DIAPH2: variants seen among roughly 807,000 people sequenced by gnomAD.
DIAPH2 encodes protein diaphanous homolog 2.
In DIAPH2, 35 loss-of-function variants were observed where a neutral mutation model predicts 92.7. The ratio of observed to expected loss-of-function variants is 0.38; its 90% CI spans 0.29 to 0.50. The LOEUF (loss-of-function observed/expected upper bound fraction) is 0.50, where lower values mean the gene tolerates loss of function less well. DIAPH2 is among the 20% of genes least tolerant of loss of function. The pLI is 0.94. For missense variants in DIAPH2, 701 were observed against 819.5 expected, an observed-to-expected ratio of 0.86 and a Z score of 1.77; for synonymous variants, 301 against 280.4, an observed-to-expected ratio of 1.07 and a Z score of -0.73.
chrX:97,249,290 A>G (rs989915660), intron 23 of DIAPH2, among the ~76,000 whole-genome samples: 6 of 111,519 alleles, frequency 5.4e-5, no homozygotes, highest in Non-Finnish European at 1.1e-4. Flanking sequence ...ACCCTCATGA[A>G]CTTGGCCTGG....
intron 22 of DIAPH2, among the ~76,000 whole-genome samples, chrX:97,220,367 GAAAA>G (rs763951265): frequency 3.9e-5 from 3 of 76,068 alleles, no homozygotes; most frequent in African/African-American, 1.5e-4. Flanking sequence ...ACAAGTTTTA[GAAAA>G]AAAAAAAAAA....
intron 26 of DIAPH2, among the ~76,000 whole-genome samples, chrX:97,450,267 A>C (rs771215244): frequency 1.2e-4 from 13 of 111,736 alleles, no homozygotes; most frequent in Non-Finnish European, 2.4e-4. Context: ...AGAAGATATT[A>C]TAAAATCATG....
chrX:96,853,515 A>C (rs2065017739), intron 4 of DIAPH2, among the ~76,000 whole-genome samples: 1 of 111,538 alleles, frequency 9.0e-6, no homozygotes. Flanking sequence ...CTTAAGACAA[A>C]AAGGGATCAT....
chrX:97,011,559 T>A (rs2066225580), intron 17 of DIAPH2, among the ~76,000 whole-genome samples: 1 of 111,537 alleles, frequency 9.0e-6, no homozygotes, highest in African/African-American at 3.3e-5. Flanking sequence ...TTGAGAATGT[T>A]TTACATTGGA....
At position 97,572,384 on chromosome X, in the gene DIAPH2, G is replaced by A. The variant is rs1217068687; in HGVS notation, c.3242-26869G>A. 3.6e-5 allele frequency among the ~76,000 whole-genome samples: 4 copies of A among 111,188 alleles called. No individual in the cohort carries two copies. In the East Asian group the frequency reaches 1.1e-3, roughly 31 times the overall value. On this transcript the variant is annotated intron_variant, in intron 26 of 26. Coordinates refer to ENST00000324765, the MANE Select transcript of DIAPH2 (RefSeq NM_006729.5). Reference sequence around the variant, plus strand: ...ATATAAACTGAAATAATGAGTAATTGTGTTAAATACCCATAATGTTGGAGC... The same window carrying A: ...ATATAAACTGAAATAATGAGTAATTATGTTAAATACCCATAATGTTGGAGC...
intron 18 of DIAPH2, among the ~76,000 whole-genome samples, chrX:97,073,484 A>G (rs888400675): frequency 1.8e-5 from 2 of 112,352 alleles, no homozygotes; most frequent in African/African-American, 6.5e-5. Flanking sequence ...CCTTAACTGC[A>G]TTTAAAAACT....
intron 5 of DIAPH2, among the ~76,000 whole-genome samples, chrX:96,907,891 A>G (rs767155827): frequency 8.9e-6 from 1 of 112,179 alleles, no homozygotes; most frequent in Admixed American, 9.5e-5. Context: ...TACTCATCAA[A>G]TAATTAATAG....
chrX:96,883,748 G>T (rs1385836860), intron 5 of DIAPH2, among the ~76,000 whole-genome samples: 1 of 110,974 alleles, frequency 9.0e-6, no homozygotes, highest in Non-Finnish European at 1.9e-5. Context: ...AACTACGGTG[G>T]TGCATTTTTC....
intron 22 of DIAPH2, among the ~76,000 whole-genome samples, chrX:97,210,233 T>C (rs1421966045): frequency 8.9e-6 from 1 of 112,208 alleles, no homozygotes. Context: ...CTTACTACTG[T>C]TGACACACTT....
At chrX:97,145,738 T>C (rs948438586) in intron 22 of DIAPH2, among the ~76,000 whole-genome samples, 5 of 110,928 alleles carry the variant, frequency 4.5e-5, no homozygotes, top group African/African-American at 1.3e-4. Context: ...TCTTTCCCTA[T>C]GAAATTCAGA....
At chrX:97,449,594 G>C (rs2070341898) in intron 26 of DIAPH2, 1 of 530,322 alleles carries the variant, frequency 1.9e-6, no homozygotes, top group East Asian at 1.7e-4. Context: ...TTGGGAAGGG[G>C]TGGAGGAAGG....
intron 26 of DIAPH2, among the ~76,000 whole-genome samples, chrX:97,531,088 T>A (rs2071056539): frequency 9.0e-6 from 1 of 111,104 alleles, no homozygotes; most frequent in Non-Finnish European, 1.9e-5. Context: ...CTTAAAATTT[T>A]GGTCCATTAA....
At chrX:96,905,674 A>C (rs1194650770) in intron 5 of DIAPH2, among the ~76,000 whole-genome samples, 1 of 111,818 alleles carries the variant, frequency 8.9e-6, no homozygotes, top group Non-Finnish European at 1.9e-5. Flanking sequence ...TCTGTTTTAA[A>C]ACTTCAATAT....
chrX:97,456,043 C>G (rs1311658506), intron 26 of DIAPH2, among the ~76,000 whole-genome samples: 1 of 112,087 alleles, frequency 8.9e-6, no homozygotes, highest in Non-Finnish European at 1.9e-5. Flanking sequence ...TAATGTCTTT[C>G]TTTAAATTGA....
intron 5 of DIAPH2, among the ~76,000 whole-genome samples, chrX:96,896,221 G>C (rs989954811): frequency 9.0e-6 from 1 of 111,240 alleles, no homozygotes; most frequent in Non-Finnish European, 1.9e-5. Context: ...TAATTAAAAA[G>C]ATGAAAACCA....
At chrX:97,342,014 G>A (rs781582959) in intron 23 of DIAPH2, among the ~76,000 whole-genome samples, 16 of 112,063 alleles carry the variant, frequency 1.4e-4, no homozygotes, top group African/African-American at 3.2e-4. Flanking sequence ...CAGGTCTAAA[G>A]ACACAAACTT....
Position 97,003,435 on chromosome X carries a change from TTCC to T in DIAPH2, c.2050+38230_2050+38232del, listed in dbSNP as rs767053997. ...TCCCACCAACAACAATATACAAGGCTTCCTTTTAATCCACATCCTCTCCAGCAT... is the reference window on the plus strand; with the variant it reads ...TCCCACCAACAACAATATACAAGGCTTTTTAATCCACATCCTCTCCAGCAT... On this transcript the variant is annotated intron_variant, in intron 17 of 26. Coordinates refer to ENST00000324765, the MANE Select transcript of DIAPH2 (RefSeq NM_006729.5). Among the ~76,000 whole-genome samples, 69 of 112,151 alleles carry T rather than the reference TTCC, an allele frequency of 6.2e-4. No individual in the cohort carries two copies. The East Asian group carries it at 0.018, about 29-fold the overall frequency.
At chrX:96,818,535 A>G (rs1436433034) in intron 4 of DIAPH2, among the ~76,000 whole-genome samples, 2 of 111,405 alleles carry the variant, frequency 1.8e-5, no homozygotes, top group African/African-American at 6.6e-5. Flanking sequence ...CAGGTCACAT[A>G]TGGCTACTTA....
chrX:96,716,475 G>A (rs1232614066), intron 1 of DIAPH2, among the ~76,000 whole-genome samples: 3 of 111,467 alleles, frequency 2.7e-5, no homozygotes, highest in Admixed American at 9.5e-5. Context: ...GTTTATTTCA[G>A]CAGCTTTATT....
Sources: gnomAD v4.1 joint callset for allele counts (sites outside exome capture counted in the v4.1 genomes callset) on GRCh38, gnomAD v4.1.1 for gene constraint, MANE v1.5 for transcripts, NCBI Gene and HGNC (gene_info 2026-07-23, HGNC 2026-07-21) for gene names.